TRPM3: variants seen among roughly 807,000 people sequenced by gnomAD.
TRPM3 encodes the protein transient receptor potential cation channel subfamily M member 3.
TRPM3 carries 77 observed loss-of-function variants against 181.2 expected under a neutral mutation model. The observed-to-expected ratio is 0.42, with a 90% CI of 0.35 to 0.51. The LOEUF (loss-of-function observed/expected upper bound fraction) is 0.51, where lower values mean the gene tolerates loss of function less well. Ranked by LOEUF, TRPM3 falls within the 20% of genes least tolerant of loss-of-function variation. TRPM3 has a pLI of 0.01. For synonymous variants in TRPM3, 745 were observed against 796.4 expected (o/e 0.94, Z 1.09); for missense variants, 1,759 against 2,196.7 (o/e 0.80, Z 3.98).
rs761143707 is a variant in TRPM3 at position 70,784,310 on chromosome 9, A to C, written c.974-31T>G. 6 of 1,545,846 alleles carry C rather than the reference A, an allele frequency of 3.9e-6. No individual in the cohort carries two copies. In the East Asian group the frequency reaches 1.4e-4, roughly 36 times the overall value. Reference sequence around the variant, plus strand: ...TTAAAAAAGGAAAAGAAAAGGAAAAAAAGAGAAAAGAACACAAAGCCAGCA... The same window carrying C: ...TTAAAAAAGGAAAAGAAAAGGAAAACAAGAGAAAAGAACACAAAGCCAGCA... On this transcript the variant is annotated intron_variant, in intron 6 of 25. Transcript: ENST00000677713.
At chr9:71,330,775 G>A (rs2090052525) in intron 1 of TRPM3, among the ~76,000 whole-genome samples, 1 of 151,786 alleles carries the variant, frequency 6.6e-6, no homozygotes, top group Admixed American at 6.6e-5. Flanking sequence ...AAGTATGTCA[G>A]ATGACCATGA....
chr9:70,545,505 T>G (rs954305117), intron 25 of TRPM3, among the ~76,000 whole-genome samples: 5 of 151,180 alleles, frequency 3.3e-5, no homozygotes, highest in African/African-American at 7.3e-5. Context: ...TCTTCACATA[T>G]GCAAAATATT....
chr9:71,407,768 GCCT>G (rs149546213), intron 1 of TRPM3, among the ~76,000 whole-genome samples: 2,127 of 152,272 alleles, frequency 0.014, 44 homozygotes, highest in East Asian at 0.084. Context: ...TGGACAGAGT[GCCT>G]CCTCAAGTAG....
chr9:71,168,890 G>T (rs571218025), intron 1 of TRPM3, among the ~76,000 whole-genome samples: 1 of 152,172 alleles, frequency 6.6e-6, no homozygotes, highest in South Asian at 2.1e-4. Flanking sequence ...TGATACAAAA[G>T]AAGAAGCTAG....
chr9:70,856,583 C>T (rs1446308333), intron 3 of TRPM3, among the ~76,000 whole-genome samples: 1 of 152,200 alleles, frequency 6.6e-6, no homozygotes, highest in Middle Eastern at 3.4e-3. Context: ...TGACAGCCTC[C>T]CCCTGCCTGT....
chr9:71,080,236 C>T (rs997873281), intron 1 of TRPM3, among the ~76,000 whole-genome samples: 3 of 148,490 alleles, frequency 2.0e-5, no homozygotes, highest in South Asian at 2.1e-4. Flanking sequence ...TTGTTCTCTA[C>T]GATTCCCAGT....
intron 1 of TRPM3, among the ~76,000 whole-genome samples, chr9:70,897,860 G>A (rs1427130500): frequency 6.6e-6 from 1 of 152,194 alleles, no homozygotes; most frequent in Non-Finnish European, 1.5e-5. Context: ...CATTTGTGGT[G>A]AAGTTCAAGA....
At chr9:71,357,990 C>T (rs1277629418) in intron 1 of TRPM3, among the ~76,000 whole-genome samples, 1 of 152,030 alleles carries the variant, frequency 6.6e-6, no homozygotes, top group African/African-American at 2.4e-5. Flanking sequence ...GCAACAAGGG[C>T]CTTGGGGAGT....
intron 1 of TRPM3, among the ~76,000 whole-genome samples, chr9:71,325,638 A>G (rs1164853058): frequency 6.6e-6 from 1 of 152,116 alleles, no homozygotes; most frequent in Middle Eastern, 3.2e-3. Flanking sequence ...TTAGGCAGGA[A>G]GAAGGAATGA....
At chr9:71,250,932 C>T (rs369122060) in intron 1 of TRPM3, among the ~76,000 whole-genome samples, 4 of 151,972 alleles carry the variant, frequency 2.6e-5, no homozygotes, top group East Asian at 3.9e-4. Flanking sequence ...GTTTGATTTT[C>T]GGTTTAAGAG....
chr9:71,332,063 G>A lies in TRPM3; in HGVS notation c.183+114590C>T, dbSNP rs549417559. ...TTTCTGTAAACACAGTATGGTTAAGGAATAGAAAATTCTGGTTAATTGAAC... is the reference window on the plus strand; with the variant it reads ...TTTCTGTAAACACAGTATGGTTAAGAAATAGAAAATTCTGGTTAATTGAAC... On this transcript the variant is annotated intron_variant, in intron 1 of 24. Coordinates refer to the TRPM3 transcript ENST00000357533. Among the ~76,000 whole-genome samples the A allele has an allele frequency of 1.4e-4, 21 of 150,758 alleles. No homozygotes were observed. The South Asian group carries it at 4.2e-3, about 30-fold the overall frequency.
At chr9:70,990,808 T>C (rs192203676) in intron 1 of TRPM3, among the ~76,000 whole-genome samples, 143 of 152,306 alleles carry the variant, frequency 9.4e-4, no homozygotes, top group Admixed American at 1.9e-3. Flanking sequence ...CTTCTTGCCA[T>C]GTTCCAAATG....
chr9:71,386,212 A>C (rs551395071), intron 1 of TRPM3, among the ~76,000 whole-genome samples: 2 of 152,178 alleles, frequency 1.3e-5, no homozygotes, highest in South Asian at 4.2e-4. Context: ...GCACTTTGGG[A>C]GGCCAAGGCT....
intron 1 of TRPM3, among the ~76,000 whole-genome samples, chr9:71,305,710 G>A (rs908770588): frequency 6.6e-6 from 1 of 152,158 alleles, no homozygotes; most frequent in African/African-American, 2.4e-5. Context: ...CAGTGGATTT[G>A]AGGGTCATTA....
chr9:70,536,882 A>G lies in TRPM3; in HGVS notation c.4231T>C (p.Cys1411Arg). ...ATAGCAGAGACATAGATGTCTATACACGATGATGGTCTTCTGGAATCAGGA... is the reference window on the plus strand; with the variant it reads ...ATAGCAGAGACATAGATGTCTATACGCGATGATGGTCTTCTGGAATCAGGA... ...IVPDSRRPSS[C>R]IDIYVSAMDE... The change falls in exon 26 of 26, where the codon TGT (cysteine) becomes CGT (arginine). Residue 1411 changes from cysteine to arginine, a missense_variant. By Grantham distance (180) the Cys-to-Arg change is radical. This residue lies in a region of TRPM3 where 612 missense variants were observed against 590.0 expected (regional missense o/e 1.04). Coordinates refer to ENST00000677713, the MANE Select transcript of TRPM3 (RefSeq NM_001366145.2). 1 of 1,614,184 alleles carries G rather than the reference A, an allele frequency of 6.2e-7. No individual in the cohort carries two copies.
At chr9:71,030,994 A>C (rs767996405) in intron 1 of TRPM3, among the ~76,000 whole-genome samples, 1 of 152,184 alleles carries the variant, frequency 6.6e-6, no homozygotes, top group Non-Finnish European at 1.5e-5. Flanking sequence ...GGTTTATTTC[A>C]GCATTTCTGT....
intron 1 of TRPM3, among the ~76,000 whole-genome samples, chr9:70,910,438 T>C (rs1032491548): frequency 2.0e-5 from 3 of 152,182 alleles, no homozygotes; most frequent in African/African-American, 7.2e-5. Context: ...TAAGGTGCTG[T>C]CTGAATGGAC....
chr9:70,923,028 T>C (rs1234258131), intron 1 of TRPM3, among the ~76,000 whole-genome samples: 1 of 152,164 alleles, frequency 6.6e-6, no homozygotes, highest in African/African-American at 2.4e-5. Flanking sequence ...GCCATTGATC[T>C]TTCCGACTTT....
rs776163385 is a variant in TRPM3 at position 70,761,417 on chromosome 9, G to A, written c.1272+184C>T. The stretch of plus-strand genomic sequence containing the variant: ...TCTGCTGCACACACCTTATTAACTC[G>A]AAGGCAGTAAAAGCAGTGTCTTAGT... On this transcript the variant is annotated intron_variant, in intron 8 of 25. Transcript: ENST00000677713. 68 of 771,680 alleles carry A rather than the reference G, an allele frequency of 8.8e-5. No individual in the cohort carries two copies. The African/African-American group carries it at 1.1e-3, about 13-fold the overall frequency. 47.8% of individuals were successfully genotyped at this position (771,680 alleles called of 1,614,324 possible). A position where few individuals can be genotyped will look rare whatever the true frequency, so the allele number is the denominator to read the frequency against.
Sources: allele counts gnomAD v4.1 joint callset (sites outside exome capture counted in the v4.1 genomes callset), GRCh38; gene constraint gnomAD v4.1.1; regional missense constraint gnomAD v4.1.1; transcripts MANE v1.5; gene names NCBI Gene and HGNC (gene_info 2026-07-23, HGNC 2026-07-21).